The following MACROD2 variants were observed in gnomAD, a reference collection of about 807,000 sequenced individuals.
MACROD2 encodes ADP-ribose glycohydrolase MACROD2.
A neutral mutation model predicts 70.4 loss-of-function variants in MACROD2; 36 were observed. The ratio of observed to expected loss-of-function variants is 0.51; its 90% confidence interval spans 0.39 to 0.68. The LOEUF (loss-of-function observed/expected upper bound fraction) is 0.68. MACROD2 is among the 30% of genes least tolerant of loss of function. MACROD2 has a pLI of 0.00. For synonymous variants in MACROD2, 172 were observed against 178.8 expected (o/e 0.96, Z 0.30); for missense variants, 496 against 538.4 (o/e 0.92, Z 0.78).
intron 5 of MACROD2, among the ~76,000 whole-genome samples, chr20:14,742,380 A>G (rs557471077): frequency 1.3e-3 from 197 of 152,266 alleles, no homozygotes; most frequent in African/African-American, 4.3e-3. Context: ...GGTCACATAT[A>G]GCCATTTTTC....
At chr20:14,699,799 T>G (rs1398600626) in intron 5 of MACROD2, among the ~76,000 whole-genome samples, 1 of 150,610 alleles carries the variant, frequency 6.6e-6, no homozygotes, top group African/African-American at 2.4e-5. Context: ...AATCTAGAAG[T>G]TTAAAGTTTA....
intron 2 of MACROD2, among the ~76,000 whole-genome samples, chr20:14,076,903 A>G (rs1201987402): frequency 6.6e-6 from 1 of 152,226 alleles, no homozygotes. Context: ...GAACCACTGT[A>G]CAAGTAAACA....
At chr20:14,016,547 T>G (rs1322256146) in intron 2 of MACROD2, among the ~76,000 whole-genome samples, 2 of 152,190 alleles carry the variant, frequency 1.3e-5, no homozygotes, top group Non-Finnish European at 2.9e-5. Flanking sequence ...AGCTTTTGCT[T>G]GGTCTTTGAT....
intron 8 of MACROD2, among the ~76,000 whole-genome samples, chr20:15,660,394 T>C (rs1042550231): frequency 3.4e-5 from 5 of 149,236 alleles, no homozygotes; most frequent in African/African-American, 1.2e-4. Flanking sequence ...ATGGTATCCA[T>C]GCACATCATT....
At chr20:14,664,734 C>T (rs1055334504) in intron 4 of MACROD2, among the ~76,000 whole-genome samples, 7 of 152,200 alleles carry the variant, frequency 4.6e-5, no homozygotes, top group Non-Finnish European at 8.8e-5. Flanking sequence ...GCATCTACCA[C>T]GTTCTAAGTG....
At chr20:15,481,055 A>G (rs77905947) in intron 7 of MACROD2, among the ~76,000 whole-genome samples, 2,211 of 152,258 alleles carry the variant, frequency 0.015, 62 homozygotes, top group African/African-American at 0.05. Context: ...ACTTTCTCTA[A>G]CCATAGCATT....
chr20:14,234,553 T>G (rs773282529), intron 3 of MACROD2, among the ~76,000 whole-genome samples: 21 of 152,238 alleles, frequency 1.4e-4, no homozygotes, highest in Non-Finnish European at 2.9e-4. Flanking sequence ...TTAATAGTTT[T>G]AGATGATTTA....
intron 3 of MACROD2, among the ~76,000 whole-genome samples, chr20:14,171,227 C>G (rs1172756045): frequency 1.3e-5 from 2 of 151,898 alleles, no homozygotes; most frequent in Non-Finnish European, 2.9e-5. Flanking sequence ...TTATTTGGAT[C>G]TTCTCTCTTC....
intron 8 of MACROD2, among the ~76,000 whole-genome samples, chr20:15,648,756 A>G (rs975175583): frequency 6.6e-5 from 10 of 150,646 alleles, no homozygotes; most frequent in African/African-American, 2.5e-4. Flanking sequence ...GATGGGTGAA[A>G]GAGTGACTCT....
intron 10 of MACROD2, among the ~76,000 whole-genome samples, chr20:15,901,457 C>T (rs1429501780): frequency 6.6e-6 from 1 of 152,106 alleles, no homozygotes; most frequent in African/African-American, 2.4e-5. Flanking sequence ...AGCCACAGCC[C>T]CCAGTCAGCC....
intron 3 of MACROD2, among the ~76,000 whole-genome samples, chr20:14,371,395 A>G (rs2083322175): frequency 6.6e-6 from 1 of 152,102 alleles, no homozygotes. Context: ...GCTGAGATAG[A>G]GGATCCCTTG....
At chr20:15,692,211 A>G (rs1324626596) in intron 8 of MACROD2, among the ~76,000 whole-genome samples, 1 of 152,082 alleles carries the variant, frequency 6.6e-6, no homozygotes, top group East Asian at 1.9e-4. Flanking sequence ...GTGAATGTCT[A>G]CTGATTGATG....
chr20:15,012,212 C>T (rs778845528), intron 5 of MACROD2, among the ~76,000 whole-genome samples: 6 of 152,140 alleles, frequency 3.9e-5, no homozygotes, highest in East Asian at 1.9e-4. Flanking sequence ...GGCAAACCAT[C>T]GTGAACAGTG....
intron 6 of MACROD2, among the ~76,000 whole-genome samples, chr20:15,366,821 A>T (rs1292071771): frequency 1.3e-5 from 2 of 151,570 alleles, no homozygotes; most frequent in African/African-American, 4.9e-5. Context: ...TCCACCTCCC[A>T]GTGTGCTGAC....
intron 3 of MACROD2, among the ~76,000 whole-genome samples, chr20:14,178,888 C>T (rs1043412839): frequency 2.6e-5 from 4 of 152,116 alleles, no homozygotes; most frequent in Admixed American, 2.0e-4. Context: ...ACTTCTTACA[C>T]GATGGTTCCA....
chr20:14,932,077 G>C (rs2074301244), intron 5 of MACROD2, among the ~76,000 whole-genome samples: 1 of 151,680 alleles, frequency 6.6e-6, no homozygotes, highest in South Asian at 2.1e-4. Context: ...TACCTACCTG[G>C]TACGAAATAA....
intron 3 of MACROD2, among the ~76,000 whole-genome samples, chr20:14,385,679 C>T (rs888729705): frequency 7.9e-5 from 12 of 152,158 alleles, no homozygotes; most frequent in African/African-American, 2.7e-4. Context: ...TGTTTCTTTT[C>T]CATGTTGACC....
chr20:14,789,292 T>C (rs1012049533), intron 5 of MACROD2, among the ~76,000 whole-genome samples: 4 of 151,646 alleles, frequency 2.6e-5, no homozygotes, highest in African/African-American at 9.7e-5. Flanking sequence ...AATAAAACCA[T>C]CCCTGGTTTT....
intron 9 of MACROD2, among the ~76,000 whole-genome samples, chr20:15,866,866 T>G (rs2064500785): frequency 6.6e-6 from 1 of 152,182 alleles, no homozygotes; most frequent in East Asian, 1.9e-4. Flanking sequence ...GATGAGCAGG[T>G]AAGTGGTAAA....
Sources: allele counts gnomAD v4.1 joint callset (sites outside exome capture counted in the v4.1 genomes callset), GRCh38; gene constraint gnomAD v4.1.1; transcripts MANE v1.5; gene names NCBI Gene and HGNC (gene_info 2026-07-23, HGNC 2026-07-21).